The following ST6GALNAC3 variants were observed in gnomAD, a reference collection of about 807,000 sequenced individuals.
ST6GALNAC3 encodes alpha-N-acetylgalactosaminide alpha-2,6-sialyltransferase 3.
A neutral mutation model predicts 32.7 loss-of-function variants in ST6GALNAC3; 25 were observed. That is an observed-to-expected ratio of 0.76 (90% CI 0.56 to 1.07). The LOEUF (loss-of-function observed/expected upper bound fraction) is 1.07, where lower values mean the gene tolerates loss of function less well. Ranked by LOEUF, ST6GALNAC3 falls within the 50% of genes least tolerant of loss-of-function variation. The probability of loss-of-function intolerance (pLI) is 0.00; values close to 1 mark genes in which losing one functional copy is unlikely to be tolerated. For missense variants in ST6GALNAC3, 355 were observed against 382.4 expected, an observed-to-expected ratio of 0.93 and a Z score of 0.60; for synonymous variants, 129 against 133.1, an observed-to-expected ratio of 0.97 and a Z score of 0.21.
chr1:76,554,550 C>T (rs534000276), intron 3 of ST6GALNAC3, among the ~76,000 whole-genome samples: 1 of 150,420 alleles, frequency 6.6e-6, no homozygotes, highest in South Asian at 2.1e-4. Flanking sequence ...AGGAGGTTTA[C>T]TTGGTTAATA....
intron 2 of ST6GALNAC3, among the ~76,000 whole-genome samples, chr1:76,384,931 T>A (rs1312073211): frequency 6.6e-6 from 1 of 152,140 alleles, no homozygotes; most frequent in Non-Finnish European, 1.5e-5. Context: ...AAATAGTGAA[T>A]GAGCTAGTGG....
At chr1:76,266,918 T>C (rs550550157) in intron 1 of ST6GALNAC3, among the ~76,000 whole-genome samples, 1 of 152,172 alleles carries the variant, frequency 6.6e-6, no homozygotes, top group Non-Finnish European at 1.5e-5. Context: ...AATATTTTCT[T>C]TGGGTTATAT....
At chr1:76,117,611 G>GT (rs1648567002) in intron 1 of ST6GALNAC3, among the ~76,000 whole-genome samples, 1 of 151,952 alleles carries the variant, frequency 6.6e-6, no homozygotes, top group South Asian at 2.1e-4. Flanking sequence ...CGCTGGACTA[G>GT]CTCTGAGCCT....
chr1:76,357,071 A>C (rs1649518773), intron 2 of ST6GALNAC3, among the ~76,000 whole-genome samples: 1 of 151,764 alleles, frequency 6.6e-6, no homozygotes, highest in Non-Finnish European at 1.5e-5. Context: ...TCTTTAGCCT[A>C]ATATTCATGG....
At position 76,578,051 on chromosome 1, in the gene ST6GALNAC3, GT is replaced by G. The variant is rs1355107305; in HGVS notation, c.624-49398del. Among the ~76,000 whole-genome samples the G allele has an allele frequency of 3.9e-5, 6 of 152,078 alleles. No individual in the cohort carries two copies. The East Asian group carries it at 1.2e-3, about 29-fold the overall frequency. On this transcript the variant is annotated intron_variant, in intron 3 of 4. Transcript: ENST00000328299. ...GCCCTAATTTACTATCTAGTTTTTT[GT>G]TTGTTTGTCTTTGATTATGCCTGAA...
intron 1 of ST6GALNAC3, among the ~76,000 whole-genome samples, chr1:76,151,568 T>C (rs916091811): frequency 6.6e-6 from 1 of 152,174 alleles, no homozygotes; most frequent in Non-Finnish European, 1.5e-5. Context: ...AAGGATGTGC[T>C]ATCAAGCTCG....
intron 1 of ST6GALNAC3, among the ~76,000 whole-genome samples, chr1:76,262,538 T>C (rs1658298524): frequency 6.6e-6 from 1 of 152,208 alleles, no homozygotes; most frequent in Admixed American, 6.5e-5. Context: ...AAGTAAGTGC[T>C]ATGATGAAAA....
chr1:76,440,239 T>C (rs1400397269), intron 3 of ST6GALNAC3, among the ~76,000 whole-genome samples: 1 of 151,958 alleles, frequency 6.6e-6, no homozygotes, highest in African/African-American at 2.4e-5. Flanking sequence ...TGGAAAAGAG[T>C]GGAGAGATGT....
chr1:76,372,293 T>C (rs1650887922), intron 2 of ST6GALNAC3, among the ~76,000 whole-genome samples: 1 of 152,142 alleles, frequency 6.6e-6, no homozygotes, highest in Non-Finnish European at 1.5e-5. Context: ...TAAATTTTTA[T>C]TTTTGATTGA....
intron 2 of ST6GALNAC3, among the ~76,000 whole-genome samples, chr1:76,359,179 C>A (rs575764880): frequency 1.1e-4 from 16 of 152,206 alleles, no homozygotes; most frequent in African/African-American, 3.6e-4. Context: ...AGTGGGGAAC[C>A]ATTTTAAGAG....
At chr1:76,492,257 A>T (rs1003643531) in intron 3 of ST6GALNAC3, among the ~76,000 whole-genome samples, 2 of 152,180 alleles carry the variant, frequency 1.3e-5, no homozygotes, top group African/African-American at 4.8e-5. Flanking sequence ...CTACAAAATT[A>T]CTAAGAAGTC....
At chr1:76,285,427 G>A (rs1659724140) in intron 1 of ST6GALNAC3, among the ~76,000 whole-genome samples, 1 of 106,830 alleles carries the variant, frequency 9.4e-6, no homozygotes, top group Non-Finnish European at 2.0e-5. Flanking sequence ...TGTGTGTAAT[G>A]TGACTTACCC....
rs111861027 is a variant in ST6GALNAC3 at position 76,512,969 on chromosome 1, A to C, written c.623+100552A>C. ...TGTCTCACTTTTTCTTTTGAAAAAT[A>C]TCTATTTAGGTATATTGGGTTTTTT... On this transcript the variant is annotated intron_variant, in intron 3 of 4. Coordinates refer to ENST00000328299, the MANE Select transcript of ST6GALNAC3 (RefSeq NM_152996.4). Among the ~76,000 whole-genome samples, 626 of 114,702 alleles carry C rather than the reference A, an allele frequency of 5.5e-3. 2 individuals carry two copies. Among genetic ancestry groups the C allele is most frequent in the African/African-American group, 0.017 (592 of 34,264 alleles). The allele number at this position is 114,702 out of a possible 152,430, so 75.2% of individuals were successfully genotyped here. A position where few individuals can be genotyped will look rare whatever the true frequency, so the allele number is the denominator to read the frequency against.
rs142852627 is a variant in ST6GALNAC3, at chr1:76,589,459, C to T, written c.624-37993C>T. 2.0e-5 allele frequency among the ~76,000 whole-genome samples: 3 copies of T among 152,038 alleles called. No individual in the cohort carries two copies. In the East Asian group the frequency reaches 5.9e-4, roughly 30 times the overall value. ...GCCCACAGGACAAACGTGCCCTGAC[C>T]AGCTTTCCACAATCCCCTTCTGAGC... On this transcript the variant is annotated intron_variant, in intron 3 of 4. Transcript: ENST00000328299.
intron 2 of ST6GALNAC3, among the ~76,000 whole-genome samples, chr1:76,337,879 C>T (rs1390013218): frequency 6.6e-6 from 1 of 152,114 alleles, no homozygotes; most frequent in Non-Finnish European, 1.5e-5. Flanking sequence ...CCCTGTCTTT[C>T]CTGGCCCAGA....
At chr1:76,269,928 C>T (rs1570639955) in intron 1 of ST6GALNAC3, among the ~76,000 whole-genome samples, 1 of 152,054 alleles carries the variant, frequency 6.6e-6, no homozygotes, top group East Asian at 1.9e-4. Context: ...CCCAGGGAGG[C>T]AGAGGTCCTC....
intron 1 of ST6GALNAC3, among the ~76,000 whole-genome samples, chr1:76,224,910 C>T (rs553537272): frequency 6.6e-6 from 1 of 152,084 alleles, no homozygotes; most frequent in African/African-American, 2.4e-5. Flanking sequence ...CTGATGACAG[C>T]AGAAAACCCA....
At chr1:76,138,163 T>A (rs1650065783) in intron 1 of ST6GALNAC3, among the ~76,000 whole-genome samples, 3 of 152,216 alleles carry the variant, frequency 2.0e-5, no homozygotes, top group South Asian at 4.1e-4. Context: ...AGTCTCTGAA[T>A]GTCAAAAAGT....
intron 1 of ST6GALNAC3, among the ~76,000 whole-genome samples, chr1:76,286,970 A>C (rs1169480509): frequency 6.6e-6 from 1 of 152,252 alleles, no homozygotes; most frequent in Non-Finnish European, 1.5e-5. Context: ...AAATGAAATA[A>C]TTTACACCAA....
Sources: gnomAD v4.1 joint callset for allele counts (sites outside exome capture counted in the v4.1 genomes callset) on GRCh38, gnomAD v4.1.1 for gene constraint, MANE v1.5 for transcripts, NCBI Gene and HGNC (gene_info 2026-07-23, HGNC 2026-07-21) for gene names.